Variants in PCSK5 observed in about 807,000 individuals in gnomAD.
PCSK5 encodes the protein proprotein convertase subtilisin/kexin type 5, also known as prohormone convertase 5.
PCSK5 carries 129 observed loss-of-function variants against 233.2 expected under a neutral mutation model. The observed-to-expected ratio is 0.55, with a 90% confidence interval of 0.48 to 0.64. The LOEUF is 0.64. PCSK5 is among the 30% of genes least tolerant of loss of function. PCSK5 has a pLI of 0.00. For synonymous variants in PCSK5, 825 were observed against 879.2 expected (o/e 0.94, Z 1.09); for missense variants, 2,076 against 2,430.1 (o/e 0.85, Z 3.06).
At chr9:76,202,175 A>G (rs1161822145) in intron 20 of PCSK5, among the ~76,000 whole-genome samples, 1 of 152,214 alleles carries the variant, frequency 6.6e-6, no homozygotes, top group African/African-American at 2.4e-5. Flanking sequence ...TCACTCCCAC[A>G]TCAGATCCAA....
intron 3 of PCSK5, among the ~76,000 whole-genome samples, chr9:75,987,005 CTTCT>C (rs1242582001): frequency 1.3e-5 from 2 of 152,176 alleles, no homozygotes; most frequent in Admixed American, 6.5e-5. Context: ...CCTTTACTTT[CTTCT>C]TTCTTGAAAG....
At chr9:75,964,752 A>G (rs1423937681) in intron 2 of PCSK5, among the ~76,000 whole-genome samples, 4 of 152,242 alleles carry the variant, frequency 2.6e-5, no homozygotes, top group African/African-American at 4.8e-5. Context: ...AACTTCATGT[A>G]TTAATTAAGT....
chr9:76,349,003 G>T (rs1297443005), intron 35 of PCSK5, among the ~76,000 whole-genome samples: 1 of 152,102 alleles, frequency 6.6e-6, no homozygotes, highest in Non-Finnish European at 1.5e-5. Flanking sequence ...TGGGTGTGGT[G>T]GCTCACGCCT....
At chr9:76,287,965 T>C (rs1313638983) in intron 24 of PCSK5, 1 of 150,984 alleles carries the variant, frequency 6.6e-6, no homozygotes, top group African/African-American at 2.5e-5. Context: ...CTCATACTTT[T>C]CTTTGGTCAT....
In PCSK5 at chr9:76,354,230, A is replaced by C. The variant is rs764803507; in HGVS notation, c.5254+11A>C. The C allele has an allele frequency of 1.3e-6, 2 of 1,555,892 alleles. No homozygotes were observed. The highest frequency in any genetic ancestry group is 2.7e-5 in the African/African-American group (2 of 73,574). On this transcript the variant is annotated intron_variant, in intron 37 of 37. Coordinates refer to ENST00000674117, the MANE Select transcript of PCSK5 (RefSeq NM_001372043.1). ...GCCAGGACACCACGGGTGAGGGAAG[A>C]GCAAGAGCAGCCTGCAGAGGAAGGG...
chr9:76,162,370 G>A (rs909878515), intron 12 of PCSK5, among the ~76,000 whole-genome samples: 3 of 152,174 alleles, frequency 2.0e-5, no homozygotes, highest in African/African-American at 7.2e-5. Context: ...CTCTGACCTA[G>A]TGGCAAGGAG....
chr9:76,259,723 A>G (rs1827105625), intron 24 of PCSK5, among the ~76,000 whole-genome samples: 1 of 152,024 alleles, frequency 6.6e-6, no homozygotes, highest in African/African-American at 2.4e-5. Flanking sequence ...AACATCCATA[A>G]TGTTCAACCA....
chr9:76,272,773 CAAAAAAAAAAAAAAAAA>C (rs71372058), intron 24 of PCSK5, among the ~76,000 whole-genome samples: 2 of 49,952 alleles, frequency 4.0e-5, no homozygotes. Flanking sequence ...GACTCCATCT[CAAAAAAAAAAAAAAAAA>C]AAAAAAAAAA....
chr9:75,967,117 A>G (rs1825622781), intron 2 of PCSK5, among the ~76,000 whole-genome samples: 1 of 152,004 alleles, frequency 6.6e-6, no homozygotes, highest in Admixed American at 6.6e-5. Context: ...TAATAATATC[A>G]ACTTCTATTT....
intron 24 of PCSK5, among the ~76,000 whole-genome samples, chr9:76,249,860 A>C (rs1167829179): frequency 6.6e-6 from 1 of 152,240 alleles, no homozygotes; most frequent in Non-Finnish European, 1.5e-5. Context: ...GCAATAATAT[A>C]GATAGAATGG....
intron 35 of PCSK5, among the ~76,000 whole-genome samples, chr9:76,339,756 G>C (rs558078168): frequency 6.6e-6 from 1 of 152,024 alleles, no homozygotes; most frequent in Non-Finnish European, 1.5e-5. Context: ...TATTGATCAG[G>C]CTGGTCTCGA....
chr9:76,329,274 G>A (rs1829460203), intron 33 of PCSK5, among the ~76,000 whole-genome samples: 1 of 151,944 alleles, frequency 6.6e-6, no homozygotes, highest in African/African-American at 2.4e-5. Flanking sequence ...TAGATGGGAT[G>A]GGATTACAGG....
At chr9:76,259,456 T>TAC (rs10592376) in intron 24 of PCSK5, among the ~76,000 whole-genome samples, 16,435 of 148,666 alleles carry the variant, frequency 0.11, 1,015 homozygotes, top group African/African-American at 0.2. Flanking sequence ...CTGTCTACAC[T>TAC]ACACACACAC....
chr9:76,264,156 T>A (rs1827265199), intron 24 of PCSK5, among the ~76,000 whole-genome samples: 1 of 152,140 alleles, frequency 6.6e-6, no homozygotes, highest in Admixed American at 6.6e-5. Flanking sequence ...TAAATTCATA[T>A]ACCTACAGCC....
intron 2 of PCSK5, among the ~76,000 whole-genome samples, chr9:75,975,824 G>A (rs114602792): frequency 0.016 from 2,409 of 152,222 alleles, 64 homozygotes; most frequent in African/African-American, 0.054. Flanking sequence ...CTTGGCTTTC[G>A]AATTGCTTAG....
chr9:76,066,848 G>C (rs1830305405), intron 5 of PCSK5, among the ~76,000 whole-genome samples: 1 of 152,128 alleles, frequency 6.6e-6, no homozygotes, highest in African/African-American at 2.4e-5. Context: ...ATGGATTTGG[G>C]GGCTTGAGTT....
chr9:76,024,765 G>C (rs1339856408), intron 4 of PCSK5, among the ~76,000 whole-genome samples: 1 of 152,094 alleles, frequency 6.6e-6, no homozygotes, highest in East Asian at 1.9e-4. Flanking sequence ...GTGCCCTCTC[G>C]GTTCTTCTTT....
intron 20 of PCSK5, among the ~76,000 whole-genome samples, chr9:76,226,584 G>A (rs1825900123): frequency 6.6e-6 from 1 of 152,134 alleles, no homozygotes; most frequent in South Asian, 2.1e-4. Flanking sequence ...AGAGTTGGAG[G>A]GGGTTGAGGT....
At chr9:76,152,871 C>A (rs965784175) in intron 10 of PCSK5, among the ~76,000 whole-genome samples, 1 of 152,190 alleles carries the variant, frequency 6.6e-6, no homozygotes, top group Non-Finnish European at 1.5e-5. Flanking sequence ...CAATTACCTA[C>A]TTGTGCGCCT....
Sources: gnomAD v4.1 joint callset for allele counts (sites outside exome capture counted in the v4.1 genomes callset) on GRCh38, gnomAD v4.1.1 for gene constraint, MANE v1.5 for transcripts, NCBI Gene and HGNC (gene_info 2026-07-23, HGNC 2026-07-21) for gene names.